The following PRKG1 variants were observed in gnomAD, a reference collection of about 807,000 sequenced individuals.
The protein encoded by PRKG1 is protein kinase cGMP-dependent 1.
Under a neutral mutation model 88.1 loss-of-function variants are expected in PRKG1, and 35 were observed. That is an observed-to-expected ratio of 0.40 (90% CI 0.30 to 0.53). PRKG1 has a LOEUF of 0.53. Among genes scored for constraint, PRKG1 ranks in the 20% least tolerant of loss-of-function variants. PRKG1 has a pLI of 0.59. For synonymous variants in PRKG1, 303 were observed against 292.5 expected, an observed-to-expected ratio of 1.04 and a Z score of -0.37; for missense variants, 540 against 839.8, an observed-to-expected ratio of 0.64 and a Z score of 4.41.
intron 7 of PRKG1, among the ~76,000 whole-genome samples, chr10:52,100,498 G>A (rs925286479): frequency 2.0e-5 from 3 of 152,314 alleles, no homozygotes; most frequent in East Asian, 1.9e-4. Flanking sequence ...GCACCACACC[G>A]AAGGGTTAAA....
intron 1 of PRKG1, among the ~76,000 whole-genome samples, chr10:51,043,461 C>A (rs1426780014): frequency 6.6e-6 from 1 of 152,142 alleles, no homozygotes; most frequent in Non-Finnish European, 1.5e-5. Flanking sequence ...ACCTTCCAAC[C>A]TACAGTAAGC....
chr10:51,457,101 AT>A (rs1463690770), intron 2 of PRKG1, among the ~76,000 whole-genome samples: 1 of 152,206 alleles, frequency 6.6e-6, no homozygotes, highest in Non-Finnish European at 1.5e-5. Flanking sequence ...AAAAGAAGTC[AT>A]TACATGAAAA....
At chr10:51,418,724 T>C (rs533346161) in intron 2 of PRKG1, among the ~76,000 whole-genome samples, 1 of 152,290 alleles carries the variant, frequency 6.6e-6, no homozygotes, top group African/African-American at 2.4e-5. Flanking sequence ...GTAGCCAAGA[T>C]GTAGCCCCAT....
upstream of PRKG1, among the ~76,000 whole-genome samples, chr10:51,072,728 T>C (rs1843850128): frequency 6.6e-6 from 1 of 152,120 alleles, no homozygotes; most frequent in African/African-American, 2.4e-5. Flanking sequence ...ATAATCTACA[T>C]AAAAGAATAT....
At chr10:51,754,090 T>A (rs996015991) in intron 3 of PRKG1, among the ~76,000 whole-genome samples, 1 of 152,168 alleles carries the variant, frequency 6.6e-6, no homozygotes, top group Non-Finnish European at 1.5e-5. Context: ...CTGTCATCTC[T>A]GTGGCTGATT....
chr10:51,243,246 G>T (rs1915674), intron 2 of PRKG1, among the ~76,000 whole-genome samples: 58,687 of 151,910 alleles, frequency 0.39, 11,562 homozygotes, highest in Middle Eastern at 0.45. Context: ...GAAATTTGAG[G>T]AGAGTTTATT....
chr10:51,764,105 A>G (rs1012423169), intron 3 of PRKG1, among the ~76,000 whole-genome samples: 5 of 152,194 alleles, frequency 3.3e-5, no homozygotes, highest in Admixed American at 3.3e-4. Flanking sequence ...AAACATTCCA[A>G]CCACTGCATT....
chr10:51,165,944 A>G (rs977744284), intron 2 of PRKG1, among the ~76,000 whole-genome samples: 4 of 152,140 alleles, frequency 2.6e-5, no homozygotes, highest in African/African-American at 9.7e-5. Flanking sequence ...CTATTGTAAT[A>G]ACTTTCACTT....
At chr10:51,973,988 G>T (rs1230543333) in intron 5 of PRKG1, among the ~76,000 whole-genome samples, 1 of 152,090 alleles carries the variant, frequency 6.6e-6, no homozygotes, top group Admixed American at 6.6e-5. Context: ...TTCCACAAAT[G>T]AAGTTATTTT....
At chr10:51,052,447 C>CT (rs2132770544) in intron 1 of PRKG1, among the ~76,000 whole-genome samples, 1 of 152,196 alleles carries the variant, frequency 6.6e-6, no homozygotes. Context: ...TGCACAAATT[C>CT]TTTTTTGCCA....
At chr10:51,338,403 G>A (rs1034733792) in intron 2 of PRKG1, among the ~76,000 whole-genome samples, 4 of 152,094 alleles carry the variant, frequency 2.6e-5, no homozygotes, top group African/African-American at 9.7e-5. Context: ...ATGTACCCTG[G>A]AACTTAAAAT....
At chr10:51,772,346 A>G (rs947583489) in intron 3 of PRKG1, among the ~76,000 whole-genome samples, 2 of 152,166 alleles carry the variant, frequency 1.3e-5, no homozygotes, top group African/African-American at 4.8e-5. Context: ...TTTTTGTTTA[A>G]TAGTGGAACA....
intron 3 of PRKG1, among the ~76,000 whole-genome samples, chr10:51,706,781 C>T (rs935186419): frequency 6.6e-6 from 1 of 152,142 alleles, no homozygotes; most frequent in African/African-American, 2.4e-5. Context: ...TACTTCGCCT[C>T]TCTGTGGTTC....
chr10:50,997,090 G>A (rs1055702891), intron 1 of PRKG1, among the ~76,000 whole-genome samples: 38 of 152,188 alleles, frequency 2.5e-4, no homozygotes, highest in Admixed American at 2.4e-3. Flanking sequence ...CTTGATTTTA[G>A]TGATGAGAAA....
chr10:52,165,548 C>T (rs1335921508), intron 9 of PRKG1, among the ~76,000 whole-genome samples: 1 of 152,114 alleles, frequency 6.6e-6, no homozygotes, highest in Admixed American at 6.5e-5. Context: ...TTTAGAAAGA[C>T]AATGTTAATT....
chr10:51,294,716 A>G (rs1036815098), intron 2 of PRKG1, among the ~76,000 whole-genome samples: 9 of 152,080 alleles, frequency 5.9e-5, no homozygotes, highest in African/African-American at 1.9e-4. Context: ...TGATTATTAT[A>G]GCTTTGTAAG....
At chr10:51,969,917 A>G (rs1263152922) in intron 5 of PRKG1, among the ~76,000 whole-genome samples, 2 of 151,882 alleles carry the variant, frequency 1.3e-5, no homozygotes, top group Non-Finnish European at 2.9e-5. Flanking sequence ...AATAGTTAAA[A>G]CAGTATAAAG....
intron 3 of PRKG1, among the ~76,000 whole-genome samples, chr10:51,570,482 A>G (rs1451292857): frequency 2.0e-5 from 3 of 151,936 alleles, no homozygotes. Context: ...AGTAGTCTGA[A>G]GAAGAGGAAG....
At chr10:52,074,545 G>A (rs1464810429) in intron 7 of PRKG1, among the ~76,000 whole-genome samples, 2 of 152,024 alleles carry the variant, frequency 1.3e-5, no homozygotes, top group Non-Finnish European at 2.9e-5. Flanking sequence ...TTTGAAAATC[G>A]CTTCAAAAAT....
Sources: gnomAD v4.1 joint callset for allele counts (sites outside exome capture counted in the v4.1 genomes callset) on GRCh38, gnomAD v4.1.1 for gene constraint, MANE v1.5 for transcripts, NCBI Gene and HGNC (gene_info 2026-07-23, HGNC 2026-07-21) for gene names.